Variants in SPIN1 observed in about 807,000 individuals in gnomAD.
SPIN1 encodes the protein spindlin 1, also known as spindlin-1.
SPIN1 carries 3 observed loss-of-function variants against 26.0 expected under a neutral mutation model. That is an observed-to-expected ratio of 0.12 (90% CI 0.05 to 0.30). The LOEUF (loss-of-function observed/expected upper bound fraction) is 0.30, where lower values mean the gene tolerates loss of function less well. Among genes scored for constraint, SPIN1 ranks in the 10% least tolerant of loss-of-function variants. SPIN1 has a pLI of 1.00. For missense variants in SPIN1, 126 were observed against 333.4 expected (o/e 0.38, Z 4.84); for synonymous variants, 101 against 116.5 (o/e 0.87, Z 0.86).
Position 88,414,540 on chromosome 9 carries a change from T to C in SPIN1, c.-158-11842T>C, listed in dbSNP as rs1238689905. Among the ~76,000 whole-genome samples the C allele has an allele frequency of 7.2e-5, 11 of 152,236 alleles. No homozygotes were observed. The South Asian group carries it at 1.0e-3, about 14-fold the overall frequency. On this transcript the variant is annotated intron_variant, in intron 1 of 5. Coordinates refer to ENST00000375859, the MANE Select transcript of SPIN1 (RefSeq NM_006717.3). ...TGCCTAAGGACCAGGCCTAGTGATA[T>C]CACGTGGCTGACCTGAGCTGTGCCT...
intron 4 of SPIN1, among the ~76,000 whole-genome samples, chr9:88,465,199 T>C (rs1443595910): frequency 6.6e-6 from 1 of 152,248 alleles, no homozygotes; most frequent in African/African-American, 2.4e-5. Flanking sequence ...TGTAAAATTG[T>C]ACCATGTAAA....
intron 1 of SPIN1, among the ~76,000 whole-genome samples, chr9:88,397,360 C>G (rs1827088534): frequency 6.6e-6 from 1 of 152,000 alleles, no homozygotes; most frequent in Non-Finnish European, 1.5e-5. Context: ...TACTGTTTTT[C>G]CCCTTGCTTT....
At chr9:88,395,018 CA>C (rs1344995561) in intron 1 of SPIN1, among the ~76,000 whole-genome samples, 1 of 151,688 alleles carries the variant, frequency 6.6e-6, no homozygotes, top group African/African-American at 2.4e-5. Context: ...CTATGTTAGC[CA>C]AGATGGTCTC....
In SPIN1 at chr9:88,476,606, G is replaced by T. The variant is rs566336466; in HGVS notation, c.*1329G>T. 1 of 152,210 alleles carries T rather than the reference G, an allele frequency of 6.6e-6. No homozygotes were observed. The highest frequency in any genetic ancestry group is 1.9e-4 in the East Asian group (1 of 5,198). The allele number at this position is 152,210 out of a possible 1,614,324, so 9.4% of individuals were successfully genotyped here. Reference sequence around the variant, plus strand: ...ATAGAAGAGCCAGCCGTTTGTGTTCGCTTGGTAGGTGTAAGTAATAGCAGC... The same window carrying T: ...ATAGAAGAGCCAGCCGTTTGTGTTCTCTTGGTAGGTGTAAGTAATAGCAGC... On this transcript the variant is annotated 3_prime_UTR_variant, in exon 6 of 6. Coordinates refer to ENST00000375859, the MANE Select transcript of SPIN1 (RefSeq NM_006717.3).
chr9:88,400,366 G>T (rs1234486839), intron 1 of SPIN1, among the ~76,000 whole-genome samples: 1 of 152,204 alleles, frequency 6.6e-6, no homozygotes, highest in Non-Finnish European at 1.5e-5. Flanking sequence ...GTTGAATCAG[G>T]CAGAATTTAT....
intron 1 of SPIN1, among the ~76,000 whole-genome samples, chr9:88,413,941 G>A (rs1291434128): frequency 1.3e-5 from 2 of 151,952 alleles, no homozygotes; most frequent in South Asian, 4.1e-4. Flanking sequence ...AAGTACAAAT[G>A]TGGAGGTTTC....
chr9:88,389,201 C>T (rs1424056457), intron 1 of SPIN1, among the ~76,000 whole-genome samples: 3 of 152,174 alleles, frequency 2.0e-5, no homozygotes, highest in Non-Finnish European at 1.5e-5. Context: ...GATGCGCCGT[C>T]TCTTCGCCGC....
intron 1 of SPIN1, among the ~76,000 whole-genome samples, chr9:88,405,831 A>G (rs1262330372): frequency 6.6e-6 from 1 of 151,164 alleles, no homozygotes; most frequent in African/African-American, 2.4e-5. Context: ...TTTTAGCTCC[A>G]TTATAATTTT....
intron 1 of SPIN1, among the ~76,000 whole-genome samples, chr9:88,418,447 A>C (rs998695711): frequency 6.6e-6 from 1 of 152,216 alleles, no homozygotes; most frequent in Non-Finnish European, 1.5e-5. Flanking sequence ...CAACTTGTTG[A>C]CAGCCCAAGC....
At chr9:88,456,409 A>G (rs919362924) in intron 3 of SPIN1, among the ~76,000 whole-genome samples, 7 of 152,216 alleles carry the variant, frequency 4.6e-5, no homozygotes, top group African/African-American at 1.7e-4. Flanking sequence ...CAACAAGTAA[A>G]TAAACTAGAT....
intron 2 of SPIN1, among the ~76,000 whole-genome samples, chr9:88,447,876 C>T (rs967941287): frequency 1.2e-4 from 18 of 152,268 alleles, no homozygotes; most frequent in African/African-American, 4.1e-4. Context: ...GCAGGGTTCT[C>T]GTGTGTGTTT....
At chr9:88,443,475 T>C (rs1212394146) in intron 2 of SPIN1, among the ~76,000 whole-genome samples, 2 of 152,218 alleles carry the variant, frequency 1.3e-5, no homozygotes, top group South Asian at 2.1e-4. Context: ...TATTACTCTT[T>C]AGAGATTTAG....
At chr9:88,453,137 CT>C (rs1243249746) in intron 3 of SPIN1, among the ~76,000 whole-genome samples, 1 of 151,048 alleles carries the variant, frequency 6.6e-6, no homozygotes, top group Non-Finnish European at 1.5e-5. Flanking sequence ...CTTTGCTTTC[CT>C]TTTTTTTTAA....
At chr9:88,472,133 C>G (rs957592782) in intron 5 of SPIN1, among the ~76,000 whole-genome samples, 1 of 152,096 alleles carries the variant, frequency 6.6e-6, no homozygotes, top group African/African-American at 2.4e-5. Flanking sequence ...TTTGACTATT[C>G]TGGGTCCCTT....
intron 2 of SPIN1, among the ~76,000 whole-genome samples, chr9:88,429,155 A>G (rs957454441): frequency 7.9e-5 from 12 of 152,132 alleles, no homozygotes; most frequent in Non-Finnish European, 1.5e-4. Context: ...TTAATGAGCC[A>G]GTGTGCCTGG....
chr9:88,437,460 C>A (rs1171168408), intron 2 of SPIN1, among the ~76,000 whole-genome samples: 1 of 151,076 alleles, frequency 6.6e-6, no homozygotes, highest in African/African-American at 2.4e-5. Flanking sequence ...ACCATGCTAC[C>A]ACACTCCAGC....
chr9:88,440,540 T>TTTCTTTC (rs1175452672), intron 2 of SPIN1, among the ~76,000 whole-genome samples: 1 of 152,140 alleles, frequency 6.6e-6, no homozygotes, highest in Non-Finnish European at 1.5e-5. Context: ...CTTTCTTTCT[T>TTTCTTTC]TTCTTTCTCT....
chr9:88,397,918 C>T (rs554524629), intron 1 of SPIN1, among the ~76,000 whole-genome samples: 23 of 152,018 alleles, frequency 1.5e-4, no homozygotes, highest in South Asian at 6.3e-4. Flanking sequence ...GCCACCGTGC[C>T]CAGCCTGAAG....
intron 1 of SPIN1, among the ~76,000 whole-genome samples, chr9:88,405,715 A>G (rs1368071199): frequency 1.3e-5 from 2 of 151,218 alleles, no homozygotes; most frequent in East Asian, 3.9e-4. Flanking sequence ...CCTGTACTAT[A>G]CTTTTGTATG....
Sources: allele counts gnomAD v4.1 joint callset (sites outside exome capture counted in the v4.1 genomes callset), GRCh38; gene constraint gnomAD v4.1.1; transcripts MANE v1.5; gene names NCBI Gene and HGNC (gene_info 2026-07-23, HGNC 2026-07-21).